The following CRACR2A variants were observed in gnomAD, a reference collection of about 807,000 sequenced individuals.
CRACR2A encodes the protein calcium release activated channel regulator 2A.
A neutral mutation model predicts 90.5 loss-of-function variants in CRACR2A; 79 were observed. The ratio of observed to expected loss-of-function variants is 0.87; its 90% CI spans 0.73 to 1.05. The LOEUF is 1.05. CRACR2A is among the 50% of genes least tolerant of loss of function. The pLI is 0.00. For missense variants in CRACR2A, 823 were observed against 897.2 expected (o/e 0.92, Z 1.06); for synonymous variants, 338 against 356.7 (o/e 0.95, Z 0.59).
Position 3,719,266 on chromosome 12 carries a change from T to TA in CRACR2A, c.-117-5950dup, listed in dbSNP as rs202054209. On this transcript the variant is annotated intron_variant, in intron 2 of 19. Transcript: ENST00000440314. ...AGAAAACCAGACTTGGGATTTTTTT[T>TA]AAAAAAAGCATATTCCCCCATGTCA... Among the ~76,000 whole-genome samples, 537 of 152,184 alleles carry TA rather than the reference T, an allele frequency of 3.5e-3. 3 individuals carry two copies. The highest frequency in any genetic ancestry group is 0.012 in the African/African-American group (502 of 41,520).
At chr12:3,689,228 T>C (rs372520536) in intron 4 of CRACR2A, among the ~76,000 whole-genome samples, 40 of 152,332 alleles carry the variant, frequency 2.6e-4, no homozygotes, top group Non-Finnish European at 4.0e-4. Context: ...TCCTATAGTA[T>C]GTTGAATAGG....
At chr12:3,713,193 G>T in intron 3 of CRACR2A, 44 bp downstream of exon 3, 1 of 952,240 alleles carries the variant, frequency 1.1e-6, no homozygotes, top group Non-Finnish European at 1.3e-6. Context: ...GGTGGGGGCA[G>T]ATCTAGTACT....
At chr12:3,745,498 G>A (rs549498666) in intron 1 of CRACR2A, among the ~76,000 whole-genome samples, 1 of 152,176 alleles carries the variant, frequency 6.6e-6, no homozygotes, top group South Asian at 2.1e-4. Context: ...TTTAGGCCAG[G>A]TGCAGTGGCT....
At chr12:3,745,020 C>T (rs772625063) in intron 1 of CRACR2A, among the ~76,000 whole-genome samples, 4 of 152,284 alleles carry the variant, frequency 2.6e-5, no homozygotes, top group Middle Eastern at 3.4e-3. Flanking sequence ...CAACTCTCTG[C>T]CCACTGAAGA....
In CRACR2A at chr12:3,733,470, GGTT is replaced by G. The variant is rs568072139; in HGVS notation, c.-386-263_-386-261del. 2.4e-3 allele frequency among the ~76,000 whole-genome samples: 370 copies of G among 152,248 alleles called. 2 individuals carry two copies. Among genetic ancestry groups the G allele is most frequent in the African/African-American group, 8.3e-3 (345 of 41,522 alleles). On this transcript the variant is annotated intron_variant, in intron 1 of 19. Coordinates refer to ENST00000440314, the MANE Select transcript of CRACR2A (RefSeq NM_001144958.2). ...TTGGGGTGGACTCTACTCCGTCTCT[GGTT>G]GTTAAGACGTGAGAGGAGCCCTGCT...
chr12:3,633,842 G>T lies in CRACR2A; in HGVS notation c.1603-106C>A. On this transcript the variant is annotated intron_variant, in intron 14 of 19. Transcript: ENST00000440314. The surrounding 1 kb of genome is among the most constrained non-coding windows in gnomAD (Gnocchi z 4.5). ...ATCCCTACAGTGGCCCTCAGGAGGT[G>T]CAGACCGGCCTCTAGACCTGCACCA... 6.8e-7 allele frequency: 1 copy of T among 1,468,032 alleles called. No homozygotes were observed. Among genetic ancestry groups the T allele is most frequent in the Non-Finnish European group, 9.2e-7 (1 of 1,091,078 alleles). 90.9% of individuals were successfully genotyped at this position (1,468,032 alleles called of 1,614,324 possible).
At chr12:3,641,204 C>T (rs113519966) in intron 13 of CRACR2A, among the ~76,000 whole-genome samples, 2,574 of 152,186 alleles carry the variant, frequency 0.017, 36 homozygotes, top group Middle Eastern at 0.058. Context: ...ATTAGATGGG[C>T]GTGGTGGCGC....
chr12:3,721,179 C>T (rs1946165616), intron 2 of CRACR2A, among the ~76,000 whole-genome samples: 1 of 152,054 alleles, frequency 6.6e-6, no homozygotes, highest in Non-Finnish European at 1.5e-5. Flanking sequence ...CCTAGCGGCT[C>T]TATTCAGCTA....
At chr12:3,621,144 T>C (rs1458067842) in intron 17 of CRACR2A, among the ~76,000 whole-genome samples, 1 of 152,134 alleles carries the variant, frequency 6.6e-6, no homozygotes, top group Non-Finnish European at 1.5e-5. Flanking sequence ...GCTTGTGGGA[T>C]TTCTTGACAT....
chr12:3,635,437 C>T (rs995160445), intron 14 of CRACR2A, among the ~76,000 whole-genome samples: 2 of 152,154 alleles, frequency 1.3e-5, no homozygotes, highest in African/African-American at 4.8e-5. Flanking sequence ...AGGAAATACA[C>T]AAAAGTAGAG....
chr12:3,653,675 C>A (rs1299132014), intron 10 of CRACR2A, among the ~76,000 whole-genome samples: 1 of 152,110 alleles, frequency 6.6e-6, no homozygotes, highest in African/African-American at 2.4e-5. Context: ...ATCTGAGGAA[C>A]ATGGTGAAAA....
chr12:3,623,687 C>T (rs1261152764), intron 17 of CRACR2A, among the ~76,000 whole-genome samples: 1 of 152,160 alleles, frequency 6.6e-6, no homozygotes. Context: ...AGACTGCCTG[C>T]GGTGACTTCC....
At chr12:3,685,686 CAG>C (rs559285297) in intron 4 of CRACR2A, among the ~76,000 whole-genome samples, 65 of 152,274 alleles carry the variant, frequency 4.3e-4, no homozygotes, top group South Asian at 1.9e-3. Context: ...TAGTCCAATT[CAG>C]AGAGACAGAA....
chr12:3,644,729 G>A (rs1944654766), intron 11 of CRACR2A, 89 bp from the exon 12 acceptor site: 2 of 1,197,920 alleles, frequency 1.7e-6, no homozygotes, highest in Admixed American at 4.0e-5. Flanking sequence ...GATGGGTGCA[G>A]GGGAAGGTGT....
chr12:3,718,626 T>C (rs748249037), intron 2 of CRACR2A, among the ~76,000 whole-genome samples: 3 of 152,266 alleles, frequency 2.0e-5, no homozygotes, highest in African/African-American at 4.8e-5. Flanking sequence ...AGTGACTGCA[T>C]GCTGAAATGA....
intron 7 of CRACR2A, among the ~76,000 whole-genome samples, chr12:3,665,226 A>G (rs1049690225): frequency 6.6e-6 from 1 of 152,246 alleles, no homozygotes; most frequent in African/African-American, 2.4e-5. Flanking sequence ...AGTCATGAGC[A>G]CTAATATTTA....
chr12:3,715,448 A>G (rs1742245345), intron 2 of CRACR2A, among the ~76,000 whole-genome samples: 1 of 152,202 alleles, frequency 6.6e-6, no homozygotes, highest in Non-Finnish European at 1.5e-5. Context: ...ATGCCTAGAG[A>G]GCTTGCAAAG....
chr12:3,644,534 T>C, intron 12 of CRACR2A, 61 bp downstream of exon 12: 5 of 1,498,064 alleles, frequency 3.3e-6, no homozygotes, highest in Non-Finnish European at 4.5e-6. Flanking sequence ...GACATGGATC[T>C]GGCTGTCCAG....
intron 1 of CRACR2A, among the ~76,000 whole-genome samples, chr12:3,749,669 C>G (rs769493038): frequency 1.3e-5 from 2 of 152,174 alleles, no homozygotes; most frequent in Non-Finnish European, 2.9e-5. Context: ...ATGGCTCTAA[C>G]TAAACTGTGC....
Sources: allele counts gnomAD v4.1 joint callset (sites outside exome capture counted in the v4.1 genomes callset), GRCh38; gene constraint gnomAD v4.1.1; non-coding constraint Gnocchi (gnomAD v3.1); transcripts MANE v1.5; gene names NCBI Gene and HGNC (gene_info 2026-07-23, HGNC 2026-07-21).